Variants in ITGB8 observed in about 807,000 individuals in gnomAD.
ITGB8 encodes integrin subunit beta 8, also known as integrin beta-8.
ITGB8 carries 30 observed loss-of-function variants against 89.5 expected under a neutral mutation model. The observed-to-expected ratio is 0.34, with a 90% CI of 0.25 to 0.45. The LOEUF is 0.45. ITGB8 is among the 20% of genes least tolerant of loss of function. The pLI is 1.00. For synonymous variants in ITGB8, 335 were observed against 320.4 expected (o/e 1.05, Z -0.49); for missense variants, 836 against 933.3 (o/e 0.90, Z 1.36).
At chr7:20,391,377 CTTAT>C (rs764065926) in intron 6 of ITGB8, 22 bp from the exon 7 acceptor site, 119 of 1,288,272 alleles carry the variant, frequency 9.2e-5, no homozygotes, top group Non-Finnish European at 1.3e-4. Context: ...ATTTCATTCC[CTTAT>C]TTATTTTATT....
At chr7:20,343,823 A>C (rs918938825) in intron 1 of ITGB8, among the ~76,000 whole-genome samples, 2 of 152,330 alleles carry the variant, frequency 1.3e-5, no homozygotes, top group South Asian at 4.1e-4. Flanking sequence ...GTGATGTTTT[A>C]ATTAATTAAA....
At chr7:20,343,050 A>G (rs1784814685) in intron 1 of ITGB8, among the ~76,000 whole-genome samples, 2 of 152,210 alleles carry the variant, frequency 1.3e-5, no homozygotes, top group African/African-American at 4.8e-5. Flanking sequence ...TTCAGTAGAC[A>G]CGGCAGAGTT....
chr7:20,360,855 G>A (rs972078517), intron 1 of ITGB8, among the ~76,000 whole-genome samples: 3 of 143,880 alleles, frequency 2.1e-5, no homozygotes, highest in Non-Finnish European at 3.0e-5. Context: ...TTTCCTTTGA[G>A]TAGATACCCA....
intron 3 of ITGB8, among the ~76,000 whole-genome samples, chr7:20,368,702 G>A (rs1583498488): frequency 2.0e-5 from 3 of 152,144 alleles, no homozygotes; most frequent in Non-Finnish European, 2.9e-5. Context: ...AAAATTATAA[G>A]CTGCATTTTA....
chr7:20,410,094 AC>A lies in ITGB8; in HGVS notation c.*98del. 1 of 1,249,866 alleles carries A rather than the reference AC, an allele frequency of 8.0e-7. No homozygotes were observed. The highest frequency in any genetic ancestry group is 1.1e-6 in the Non-Finnish European group (1 of 887,582). The allele number at this position is 1,249,866 out of a possible 1,614,324, so 77.4% of individuals were successfully genotyped here. A position where few individuals can be genotyped will look rare whatever the true frequency, so the allele number is the denominator to read the frequency against. ...AGTCACAGGAGGAGACAAATTGCTC[AC>A]GGTCATGCCAGTTGCTGGTTGTACA... On this transcript the variant is annotated 3_prime_UTR_variant, in exon 14 of 14. Transcript: ENST00000222573.
chr7:20,379,615 T>A (rs2127960013), intron 4 of ITGB8: 1 of 153,880 alleles, frequency 6.5e-6, no homozygotes, highest in African/African-American at 2.4e-5. Flanking sequence ...TGTATATAAA[T>A]ACCTCTTTGG....
At chr7:20,357,802 A>G (rs1785349386) in intron 1 of ITGB8, among the ~76,000 whole-genome samples, 1 of 152,224 alleles carries the variant, frequency 6.6e-6, no homozygotes, top group African/African-American at 2.4e-5. Context: ...CCTGTTGTCA[A>G]CAGTTGTAAG....
At chr7:20,399,136 G>T in intron 9 of ITGB8, 142 bp downstream of exon 9, 1 of 810,130 alleles carries the variant, frequency 1.2e-6, no homozygotes, top group Non-Finnish European at 1.9e-6. Context: ...AACTTTCATT[G>T]TCTCTCCTCA....
At position 20,381,570 on chromosome 7, in the gene ITGB8, A is replaced by C. The variant is rs933431544; in HGVS notation, c.802-157A>C. On this transcript the variant is annotated intron_variant, in intron 5 of 13. Coordinates refer to ENST00000222573, the MANE Select transcript of ITGB8 (RefSeq NM_002214.3). ...GTGGGAAAATAGAGGATGTACAAAT[A>C]AAAGTTAAAGCTATTTACGCAGCAG... 9.2e-6 allele frequency: 5 copies of C among 545,638 alleles called. No individual in the cohort carries two copies. The South Asian group carries it at 1.5e-4, about 16-fold the overall frequency. The allele number at this position is 545,638 out of a possible 1,614,324, so 33.8% of individuals were successfully genotyped here. A position where few individuals can be genotyped will look rare whatever the true frequency, so the allele number is the denominator to read the frequency against.
intron 1 of ITGB8, among the ~76,000 whole-genome samples, chr7:20,348,881 T>G (rs2128130636): frequency 6.6e-6 from 1 of 152,316 alleles, no homozygotes; most frequent in Non-Finnish European, 1.5e-5. Flanking sequence ...GAACTCTGCA[T>G]AAAACTAACT....
At chr7:20,337,839 C>G (rs544859412) in intron 1 of ITGB8, among the ~76,000 whole-genome samples, 1 of 152,222 alleles carries the variant, frequency 6.6e-6, no homozygotes, top group African/African-American at 2.4e-5. Context: ...CTGTCACCCC[C>G]TCTAGATCAT....
At position 20,363,633 on chromosome 7, in the gene ITGB8, G is replaced by T. The variant is rs1785585062; in HGVS notation, c.128-4G>T. The T allele has an allele frequency of 6.4e-7, 1 of 1,557,482 alleles. No homozygotes were observed. The highest frequency in any genetic ancestry group is 8.7e-7 in the Non-Finnish European group (1 of 1,152,292). ...AATTATAACTGTTTTCTCCTTCATTGCAGAAGACAATAGATGTGCATCTTC... is the reference window on the plus strand; with the variant it reads ...AATTATAACTGTTTTCTCCTTCATTTCAGAAGACAATAGATGTGCATCTTC... On this transcript the variant is annotated splice_polypyrimidine_tract_variant and splice_region_variant and intron_variant, in intron 1 of 13. Coordinates refer to ENST00000222573, the MANE Select transcript of ITGB8 (RefSeq NM_002214.3).
intron 1 of ITGB8, among the ~76,000 whole-genome samples, chr7:20,362,136 C>G (rs1327809571): frequency 6.6e-6 from 1 of 152,212 alleles, no homozygotes; most frequent in Non-Finnish European, 1.5e-5. Context: ...GTTCCTCCCT[C>G]TCTACTCTTC....
intron 1 of ITGB8, among the ~76,000 whole-genome samples, chr7:20,344,164 G>A (rs1470851588): frequency 6.6e-6 from 1 of 151,920 alleles, no homozygotes; most frequent in Admixed American, 6.6e-5. Flanking sequence ...GCAGAGATGG[G>A]TGGTTTGGGC....
chr7:20,364,760 C>T (rs1785629876), intron 2 of ITGB8: 1 of 152,234 alleles, frequency 6.6e-6, no homozygotes, highest in Admixed American at 6.5e-5. Flanking sequence ...GCCAAATGAC[C>T]AAAAGAATTC....
chr7:20,402,118 T>C lies in ITGB8; in HGVS notation c.1679T>C (p.Leu560Pro), dbSNP rs757903380. The C allele has an allele frequency of 1.2e-6, 2 of 1,609,068 alleles. No individual in the cohort carries two copies. The highest frequency in any genetic ancestry group is 8.5e-7 in the Non-Finnish European group (1 of 1,177,558). The change falls in exon 10 of 14, where the codon CTG becomes CCG. Residue 560 changes from leucine to proline, a missense_variant. Physicochemically the swap from Leu to Pro is moderately conservative, Grantham distance 98. Transcript: ENST00000222573. Reference protein sequence around the residue: ...DFSCPYHHGNLCAGHGECEAG... With the variant: ...DFSCPYHHGNPCAGHGECEAG... ...TCTTGTCCATATCACCATGGAAATCTGTGTGCTGGTGAGTATAAATATATA... is the reference window on the plus strand; with the variant it reads ...TCTTGTCCATATCACCATGGAAATCCGTGTGCTGGTGAGTATAAATATATA...
upstream of ITGB8, among the ~76,000 whole-genome samples, chr7:20,329,938 C>A (rs1289790246): frequency 6.6e-6 from 1 of 152,146 alleles, no homozygotes; most frequent in African/African-American, 2.4e-5. Context: ...ACACCCGCAC[C>A]CTACTTGCAC....
intron 6 of ITGB8, 105 bp from the exon 7 acceptor site, chr7:20,391,298 C>A: frequency 4.0e-6 from 2 of 496,238 alleles, no homozygotes; most frequent in South Asian, 5.8e-5. Flanking sequence ...TAGTCCTTCC[C>A]AGGTACATTT....
In ITGB8 at chr7:20,413,639, T is replaced by C. The variant is rs926701999; in HGVS notation, c.*3642T>C. 6.6e-6 allele frequency: 1 copy of C among 152,118 alleles called. No individual in the cohort carries two copies. The highest frequency in any genetic ancestry group is 2.4e-5 in the African/African-American group (1 of 41,438). 9.4% of individuals were successfully genotyped at this position (152,118 alleles called of 1,614,324 possible). The stretch of plus-strand genomic sequence containing the variant: ...TTTAATGGTATAATGAAGTTCTTCA[T>C]TTCCAGACATCTTTAATTGATCTTA... On this transcript the variant is annotated 3_prime_UTR_variant, in exon 14 of 14. Transcript: ENST00000222573.
Sources: gnomAD v4.1 joint callset for allele counts (sites outside exome capture counted in the v4.1 genomes callset) on GRCh38, gnomAD v4.1.1 for gene constraint, MANE v1.5 for transcripts, NCBI Gene and HGNC (gene_info 2026-07-23, HGNC 2026-07-21) for gene names.